Variants in KIDINS220 observed in about 807,000 individuals in gnomAD.
KIDINS220 encodes kinase D interacting substrate 220, also known as kinase D-interacting substrate of 220 kDa.
In KIDINS220, 63 loss-of-function variants were observed where a neutral mutation model predicts 157.6. The observed-to-expected ratio is 0.40, with a 90% confidence interval of 0.33 to 0.49. KIDINS220 has a LOEUF of 0.49. Among genes scored for constraint, KIDINS220 ranks in the 20% least tolerant of loss-of-function variants. The pLI, the probability that KIDINS220 is intolerant of heterozygous loss-of-function variation, is 0.66. For missense variants in KIDINS220, 1,772 were observed against 2,171.2 expected, an observed-to-expected ratio of 0.82 and a Z score of 3.65; for synonymous variants, 732 against 783.6, an observed-to-expected ratio of 0.93 and a Z score of 1.10.
At chr2:8,791,486 G>C (rs1673178265) in intron 12 of KIDINS220, among the ~76,000 whole-genome samples, 1 of 152,066 alleles carries the variant, frequency 6.6e-6, no homozygotes, top group South Asian at 2.1e-4. Context: ...CATAGAACTT[G>C]ATACTTATTA....
At chr2:8,795,686 C>T (rs976150659) in intron 11 of KIDINS220, among the ~76,000 whole-genome samples, 1 of 152,152 alleles carries the variant, frequency 6.6e-6, no homozygotes, top group Non-Finnish European at 1.5e-5. Context: ...CAAAAGAATA[C>T]CAAGGCAGAG....
intron 6 of KIDINS220, among the ~76,000 whole-genome samples, chr2:8,808,779 T>A (rs928878997): frequency 6.6e-6 from 1 of 152,214 alleles, no homozygotes; most frequent in African/African-American, 2.4e-5. Flanking sequence ...TCCTAATAGG[T>A]CTCTGAATGA....
downstream of KIDINS220, chr2:8,727,042 A>T: frequency 9.8e-7 from 1 of 1,023,296 alleles, no homozygotes; most frequent in East Asian, 6.0e-5. Flanking sequence ...CCATTAAAAA[A>T]ACTATCCAGT....
chr2:8,815,629 A>T (rs573623358), intron 4 of KIDINS220, among the ~76,000 whole-genome samples: 8 of 152,288 alleles, frequency 5.3e-5, no homozygotes, highest in African/African-American at 1.9e-4. Flanking sequence ...AGATTGTGCC[A>T]CTGTGCTCCA....
chr2:8,750,244 C>A lies in KIDINS220; in HGVS notation c.3282G>T (p.Gly1094=), dbSNP rs1667158041. The A allele has an allele frequency of 6.2e-7, 1 of 1,613,902 alleles. No individual in the cohort carries two copies. Among genetic ancestry groups the A allele is most frequent in the African/African-American group, 1.3e-5 (1 of 74,890 alleles). ...LHEGPPRAPS[G]YSQPPSVCSS... is the part of the protein sequence containing the mutation. ...AGCACACGGATGGGGGCTGGCTGTA[C>A]CCTGATGGCGCCCTAGGAGGACCCT... The change falls in exon 24 of 30, where the codon GGG becomes GGT. Residue 1094 remains glycine (G), a synonymous_variant. Coordinates refer to ENST00000256707, the MANE Select transcript of KIDINS220 (RefSeq NM_020738.4).
Position 8,798,191 on chromosome 2 carries a change from GCC to G in KIDINS220, c.999+9_999+10del. 1.3e-6 allele frequency: 2 copies of G among 1,498,558 alleles called. No homozygotes were observed. The highest frequency in any genetic ancestry group is 1.9e-6 in the Non-Finnish European group (2 of 1,075,982). 92.8% of individuals were successfully genotyped at this position (1,498,558 alleles called of 1,614,324 possible). A position where few individuals can be genotyped will look rare whatever the true frequency, so the allele number is the denominator to read the frequency against. Reference sequence around the variant, plus strand: ...AAGGTGCTGCTAACAGAATAGAAATGCCATTTATACCTTTGTGCATATTTCAG... The same window carrying G: ...AAGGTGCTGCTAACAGAATAGAAATGATTTATACCTTTGTGCATATTTCAG... On this transcript the variant is annotated intron_variant, in intron 10 of 29. Coordinates refer to ENST00000256707, the MANE Select transcript of KIDINS220 (RefSeq NM_020738.4).
At chr2:8,819,885 C>T (rs1334131619) in intron 2 of KIDINS220, among the ~76,000 whole-genome samples, 1 of 152,028 alleles carries the variant, frequency 6.6e-6, no homozygotes, top group African/African-American at 2.4e-5. Flanking sequence ...AGTGATGATA[C>T]TAAAGGTACT....
In KIDINS220 at chr2:8,826,984, A is replaced by G; in HGVS notation, c.108+2T>C. 4.8e-6 allele frequency: 7 copies of G among 1,463,426 alleles called. No individual in the cohort carries two copies. Among genetic ancestry groups the G allele is most frequent in the Non-Finnish European group, 5.7e-6 (6 of 1,046,882 alleles). 90.7% of individuals were successfully genotyped at this position (1,463,426 alleles called of 1,614,324 possible). A position where few individuals can be genotyped will look rare whatever the true frequency, so the allele number is the denominator to read the frequency against. ...AATGTAATTTTGCAAACTTGGTCTT[A>G]CCTCATTTCTCTCATCTACATCTTT... On this transcript the variant is annotated splice_donor_variant, in intron 2 of 29. Coordinates refer to ENST00000256707, the MANE Select transcript of KIDINS220 (RefSeq NM_020738.4). LOFTEE classifies it high-confidence loss of function.
At chr2:8,796,949 AAT>A in intron 10 of KIDINS220, 80 bp from the exon 11 acceptor site, 1 of 994,520 alleles carries the variant, frequency 1.0e-6, no homozygotes, top group Non-Finnish European at 1.6e-6. Context: ...CATGTCAAGA[AAT>A]ATCTGACTCT....
intron 22 of KIDINS220, chr2:8,757,575 T>C: frequency 6.5e-7 from 1 of 1,532,290 alleles, no homozygotes; most frequent in Non-Finnish European, 8.8e-7. Flanking sequence ...GTACCTCTGG[T>C]TGCTGAAGTT....
intron 26 of KIDINS220, among the ~76,000 whole-genome samples, chr2:8,739,634 A>G (rs1029128842): frequency 1.3e-5 from 2 of 152,232 alleles, no homozygotes; most frequent in Non-Finnish European, 2.9e-5. Flanking sequence ...CTAGAAAATA[A>G]GCATATTACT....
chr2:8,787,617 T>C (rs907563688), intron 15 of KIDINS220, among the ~76,000 whole-genome samples: 2 of 152,110 alleles, frequency 1.3e-5, no homozygotes, highest in Middle Eastern at 3.2e-3. Flanking sequence ...TTGACCACTT[T>C]GGCCTCCCAC....
intron 26 of KIDINS220, among the ~76,000 whole-genome samples, chr2:8,737,637 T>A (rs1665067575): frequency 6.6e-6 from 1 of 152,252 alleles, no homozygotes; most frequent in African/African-American, 2.4e-5. Context: ...TTTGTTCTCA[T>A]TTAAAAGGAA....
chr2:8,789,575 C>T (rs1672908739), intron 14 of KIDINS220, among the ~76,000 whole-genome samples: 1 of 151,970 alleles, frequency 6.6e-6, no homozygotes, highest in South Asian at 2.1e-4. Flanking sequence ...GGCGTGAGAG[C>T]CACCGCACCC....
rs758919198 is a variant in KIDINS220, at chr2:8,731,941, G to A, written c.4095C>T (p.Ser1365=). Residue 1365 remains serine, a synonymous_variant, in exon 30 of 30, where the codon TCC becomes TCT. Coordinates refer to ENST00000256707, the MANE Select transcript of KIDINS220 (RefSeq NM_020738.4). This position sits in a 1 kb window ranked among gnomAD's most constrained non-coding sequence, Gnocchi z 5.2. ...RRTPSLSSLN[S]QDSSIEISKL... is the part of the protein sequence containing the mutation. ...TTGAAATTTCAATACTGGAATCCTG[G>A]GAATTGAGACTCGAAAGACTTGGGG... is the stretch of plus-strand genomic sequence containing the variant. The A allele has an allele frequency of 2.5e-6, 4 of 1,605,852 alleles. No homozygotes were observed. In the South Asian group the frequency reaches 4.5e-5, roughly 18 times the overall value.
At position 8,825,242 on chromosome 2, in the gene KIDINS220, G is replaced by A. The variant is rs189404780; in HGVS notation, c.108+1744C>T. On this transcript the variant is annotated intron_variant, in intron 2 of 29. Coordinates refer to ENST00000256707, the MANE Select transcript of KIDINS220 (RefSeq NM_020738.4). ...TAAAAAATTAGCCAGGTGTGGTGGC[G>A]CACGACTGTAGTCCAAGTTACTCAG... Among the ~76,000 whole-genome samples the A allele has an allele frequency of 3.0e-4, 45 of 151,838 alleles. No individual in the cohort carries two copies. In the South Asian group the frequency reaches 3.1e-3, roughly 11 times the overall value.
rs79544675 is a variant in KIDINS220, at chr2:8,831,650, C to T, written c.-36-4521G>A. 9.6e-3 allele frequency among the ~76,000 whole-genome samples: 1,457 copies of T among 152,298 alleles called. 31 individuals are homozygous for T. The highest frequency in any genetic ancestry group is 0.034 in the African/African-American group (1,397 of 41,566). ...CTCTCCTCTCCATTTTACTCACTCT[C>T]TCCACATCTCCCTTAGACTAGAAGT... On this transcript the variant is annotated intron_variant, in intron 1 of 29. Transcript: ENST00000256707.
At chr2:8,737,869 A>C (rs1665096738) in intron 26 of KIDINS220, among the ~76,000 whole-genome samples, 1 of 152,228 alleles carries the variant, frequency 6.6e-6, no homozygotes, top group African/African-American at 2.4e-5. Flanking sequence ...ACTGTAACTT[A>C]TCAGGTCTTA....
chr2:8,786,201 C>A lies in KIDINS220; in HGVS notation c.1939+5G>T. 6.2e-7 allele frequency: 1 copy of A among 1,613,984 alleles called. No individual in the cohort carries two copies. Among genetic ancestry groups the A allele is most frequent in the Non-Finnish European group, 8.5e-7 (1 of 1,179,948 alleles). On this transcript the variant is annotated splice_donor_5th_base_variant and intron_variant, in intron 16 of 29. Coordinates refer to ENST00000256707, the MANE Select transcript of KIDINS220 (RefSeq NM_020738.4). ...CACACAAAGAAGGAAGGAAGGAAAT[C>A]CTACCCTGAGTATCTTCAGTCTTGA... is the stretch of plus-strand genomic sequence containing the variant.
Sources: gnomAD v4.1 joint callset for allele counts (sites outside exome capture counted in the v4.1 genomes callset) on GRCh38, gnomAD v4.1.1 for gene constraint, Gnocchi (gnomAD v3.1) non-coding constraint, MANE v1.5 for transcripts, NCBI Gene and HGNC (gene_info 2026-07-23, HGNC 2026-07-21) for gene names.